The following SOX5 variants were observed in gnomAD, a reference collection of about 807,000 sequenced individuals.
SOX5 encodes the protein transcription factor SOX-5.
In SOX5, 9 loss-of-function variants were observed where a neutral mutation model predicts 92.0. The ratio of observed to expected loss-of-function variants is 0.10; its 90% CI spans 0.06 to 0.17. SOX5 has a LOEUF of 0.17. Among genes scored for constraint, SOX5 ranks in the 10% least tolerant of loss-of-function variants. The probability of loss-of-function intolerance (pLI) is 1.00; values close to 1 mark genes in which losing one functional copy is unlikely to be tolerated. For missense variants in SOX5, 642 were observed against 944.5 expected (o/e 0.68, Z 4.20); for synonymous variants, 344 against 336.3 (o/e 1.02, Z -0.25).
chr12:23,835,735 G>A (rs907650450), intron 3 of SOX5, among the ~76,000 whole-genome samples: 1 of 151,740 alleles, frequency 6.6e-6, no homozygotes, highest in Non-Finnish European at 1.5e-5. Flanking sequence ...AATGATAATA[G>A]TAAATGATTA....
At chr12:24,532,509 C>T (rs892721865) in intron 1 of SOX5, among the ~76,000 whole-genome samples, 1 of 152,172 alleles carries the variant, frequency 6.6e-6, no homozygotes, top group Non-Finnish European at 1.5e-5. Flanking sequence ...GCCATTTCAT[C>T]AGGATGCATA....
At chr12:23,732,525 G>T (rs2093430371) in intron 6 of SOX5, among the ~76,000 whole-genome samples, 2 of 152,126 alleles carry the variant, frequency 1.3e-5, no homozygotes, top group Admixed American at 1.3e-4. Flanking sequence ...CTTATTTGTT[G>T]CCTGAAAGGG....
intron 3 of SOX5, among the ~76,000 whole-genome samples, chr12:23,792,319 C>CTA (rs1209491033): frequency 6.6e-6 from 1 of 151,770 alleles, no homozygotes; most frequent in Non-Finnish European, 1.5e-5. Context: ...ATACACATAA[C>CTA]TAAGGCGATA....
At chr12:24,112,305 C>A (rs964600909) in intron 4 of SOX5, among the ~76,000 whole-genome samples, 1 of 152,094 alleles carries the variant, frequency 6.6e-6, no homozygotes, top group African/African-American at 2.4e-5. Context: ...GGAAACATAG[C>A]CATGGTTATT....
intron 1 of SOX5, among the ~76,000 whole-genome samples, chr12:23,912,513 T>A (rs943115467): frequency 2.0e-5 from 3 of 152,134 alleles, no homozygotes; most frequent in Non-Finnish European, 4.4e-5. Context: ...TGAAAACATA[T>A]GTCCATGCAA....
intron 3 of SOX5, among the ~76,000 whole-genome samples, chr12:24,229,326 G>A (rs79948923): frequency 0.011 from 1,715 of 152,218 alleles, 26 homozygotes; most frequent in African/African-American, 0.039. Flanking sequence ...GCCAAGTGTC[G>A]AACTGAGAAT....
At position 24,385,947 on chromosome 12, in the gene SOX5, AG is replaced by A. The variant is rs1958365617; in HGVS notation, c.-250-17309del. On this transcript the variant is annotated intron_variant, in intron 1 of 4. Coordinates refer to the SOX5 transcript ENST00000446891. ...GTCACAAAAAAAAAAAAAAAAAAAG[AG>A]AGAGAGATTTATGTGGCATTTTAAA... Among the ~76,000 whole-genome samples, 43 of 122,512 alleles carry A rather than the reference AG, an allele frequency of 3.5e-4. 1 individual carries two copies. Among genetic ancestry groups the A allele is most frequent in the African/African-American group, 7.7e-4 (26 of 33,950 alleles). The allele number at this position is 122,512 out of a possible 152,430, so 80.4% of individuals were successfully genotyped here. A position where few individuals can be genotyped will look rare whatever the true frequency, so the allele number is the denominator to read the frequency against.
intron 4 of SOX5, among the ~76,000 whole-genome samples, chr12:23,962,440 T>C (rs1947057242): frequency 2.0e-5 from 3 of 151,728 alleles, no homozygotes; most frequent in Admixed American, 1.3e-4. Context: ...AAACATAGGG[T>C]CTCCACGTTA....
At chr12:24,554,984 T>C (rs1208717795) in intron 1 of SOX5, among the ~76,000 whole-genome samples, 1 of 152,220 alleles carries the variant, frequency 6.6e-6, no homozygotes, top group African/African-American at 2.4e-5. Flanking sequence ...AAAGAGACTT[T>C]CTATTAAGGG....
intron 1 of SOX5, among the ~76,000 whole-genome samples, chr12:23,935,079 C>T (rs374314755): frequency 6.6e-6 from 1 of 151,208 alleles, no homozygotes; most frequent in Non-Finnish European, 1.5e-5. Flanking sequence ...CCTACATTAA[C>T]GCATATTCAT....
chr12:23,581,604 A>C (rs1592263772), intron 9 of SOX5, among the ~76,000 whole-genome samples: 1 of 152,100 alleles, frequency 6.6e-6, no homozygotes, highest in Non-Finnish European at 1.5e-5. Flanking sequence ...TCCATATCTT[A>C]TTTATCTAAT....
At chr12:24,324,452 G>A (rs189021978) in intron 2 of SOX5, among the ~76,000 whole-genome samples, 2 of 150,652 alleles carry the variant, frequency 1.3e-5, no homozygotes, top group Non-Finnish European at 3.0e-5. Flanking sequence ...ACTATTTTAC[G>A]TGGGCAACTC....
intron 8 of SOX5, among the ~76,000 whole-genome samples, chr12:23,619,866 A>G (rs1164884153): frequency 6.6e-6 from 1 of 152,168 alleles, no homozygotes; most frequent in Non-Finnish European, 1.5e-5. Context: ...ACTTCTTATT[A>G]TCTTTTATCA....
intron 1 of SOX5, among the ~76,000 whole-genome samples, chr12:24,531,725 C>G (rs1299342585): frequency 6.6e-6 from 1 of 152,208 alleles, no homozygotes; most frequent in Non-Finnish European, 1.5e-5. Context: ...TTGCCCTCCT[C>G]TGCTACCCCC....
chr12:24,553,252 C>T (rs1025230909), intron 1 of SOX5, among the ~76,000 whole-genome samples: 5 of 152,110 alleles, frequency 3.3e-5, no homozygotes, highest in Non-Finnish European at 7.4e-5. Flanking sequence ...AAGACTGTCC[C>T]GCTCACTAGA....
At chr12:23,868,771 C>T (rs1424264982) in intron 2 of SOX5, among the ~76,000 whole-genome samples, 1 of 151,986 alleles carries the variant, frequency 6.6e-6, no homozygotes. Flanking sequence ...GGAAACAAAC[C>T]AGTATTAGGC....
At chr12:24,431,643 C>T (rs77554786) in intron 1 of SOX5, among the ~76,000 whole-genome samples, 1,768 of 152,280 alleles carry the variant, frequency 0.012, 32 homozygotes, top group African/African-American at 0.038. Context: ...GTAAATTGCA[C>T]CGTAGTTCTC....
chr12:24,065,278 C>A (rs1483555901), intron 4 of SOX5, among the ~76,000 whole-genome samples: 4 of 152,102 alleles, frequency 2.6e-5, no homozygotes, highest in Non-Finnish European at 5.9e-5. Flanking sequence ...GGGAAAATTG[C>A]AGGAGAGAGG....
chr12:23,731,644 T>A (rs1052640187), intron 6 of SOX5, among the ~76,000 whole-genome samples: 1 of 152,170 alleles, frequency 6.6e-6, no homozygotes, highest in Non-Finnish European at 1.5e-5. Flanking sequence ...ATGTAACATA[T>A]CCATCAAATG....
Sources: gnomAD v4.1 joint callset for allele counts (sites outside exome capture counted in the v4.1 genomes callset) on GRCh38, gnomAD v4.1.1 for gene constraint, MANE v1.5 for transcripts, NCBI Gene and HGNC (gene_info 2026-07-23, HGNC 2026-07-21) for gene names.